The following TLL1 variants were observed in gnomAD, a reference collection of about 807,000 sequenced individuals.
TLL1 encodes the protein tolloid-like protein 1.
TLL1 carries 49 observed loss-of-function variants against 128.2 expected under a neutral mutation model. That is an observed-to-expected ratio of 0.38 (90% CI 0.30 to 0.48). TLL1 has a LOEUF of 0.48. Ranked by LOEUF, TLL1 falls within the 20% of genes least tolerant of loss-of-function variation. The pLI is 0.96. For synonymous variants in TLL1, 454 were observed against 418.8 expected (o/e 1.08, Z -1.03); for missense variants, 1,123 against 1,242.0 (o/e 0.90, Z 1.44).
intron 1 of TLL1, among the ~76,000 whole-genome samples, chr4:165,968,120 C>T (rs1735473863): frequency 1.3e-5 from 2 of 152,172 alleles, no homozygotes; most frequent in African/African-American, 4.8e-5. Context: ...AAGTTGTAAA[C>T]ATCAGAGAAA....
intron 2 of TLL1, among the ~76,000 whole-genome samples, chr4:165,989,827 T>G (rs1736555646): frequency 6.6e-6 from 1 of 151,886 alleles, no homozygotes; most frequent in South Asian, 2.1e-4. Context: ...TTTAGAAGGC[T>G]ATACAGCTTT....
At chr4:166,068,348 CT>C (rs1740666543) in intron 16 of TLL1, among the ~76,000 whole-genome samples, 1 of 151,764 alleles carries the variant, frequency 6.6e-6, no homozygotes, top group Admixed American at 6.6e-5. Context: ...AAAAGATTAT[CT>C]AATTTAATTG....
chr4:165,989,668 T>A (rs1736547864), intron 2 of TLL1, among the ~76,000 whole-genome samples, 177 bp downstream of exon 2: 1 of 151,396 alleles, frequency 6.6e-6, no homozygotes, highest in Non-Finnish European at 1.5e-5. Flanking sequence ...TATTAATTTT[T>A]TTTTTTTTTT....
rs114412546 is a variant in TLL1, at chr4:165,873,997, C to G, written c.93C>G (p.Leu31=). 9 of 1,614,062 alleles carry G rather than the reference C, an allele frequency of 5.6e-6. No homozygotes were observed. The highest frequency in any genetic ancestry group is 5.1e-6 in the Non-Finnish European group (6 of 1,180,018). ...GGGAGCTATGGGTCTGCGCTGGCCT[C>G]GATTATGATTACACTTTTGATGGGA... ...FYGELWVCAG[L]DYDYTFDGNE... is the part of the protein sequence containing the mutation. The change falls in exon 1 of 21, where the codon CTC becomes CTG. Residue 31 remains leucine (L), a synonymous_variant. Coordinates refer to ENST00000061240, the MANE Select transcript of TLL1 (RefSeq NM_012464.5).
intron 1 of TLL1, among the ~76,000 whole-genome samples, chr4:165,933,486 A>C (rs534334422): frequency 2.6e-5 from 4 of 152,268 alleles, no homozygotes; most frequent in Admixed American, 2.6e-4. Flanking sequence ...TCTGCAGTCC[A>C]TTCCATCCTG....
chr4:165,944,833 G>C (rs1257086809), intron 1 of TLL1, among the ~76,000 whole-genome samples: 1 of 152,080 alleles, frequency 6.6e-6, no homozygotes, highest in African/African-American at 2.4e-5. Context: ...AGGGGTAGTA[G>C]ATCAAAAGAT....
At chr4:166,037,770 T>C (rs1436144719) in intron 9 of TLL1, among the ~76,000 whole-genome samples, 1 of 151,994 alleles carries the variant, frequency 6.6e-6, no homozygotes, top group Admixed American at 6.6e-5. Context: ...ACTGCTCCAC[T>C]GCACTCCAGC....
chr4:165,941,925 A>G (rs936016598), intron 1 of TLL1, among the ~76,000 whole-genome samples: 1 of 152,028 alleles, frequency 6.6e-6, no homozygotes, highest in Admixed American at 6.6e-5. Context: ...CTTTTCTTCT[A>G]TTAGTAATAG....
intron 19 of TLL1, among the ~76,000 whole-genome samples, chr4:166,092,046 G>A (rs2322477): frequency 8.2e-4 from 2 of 2,442 alleles, no homozygotes; most frequent in African/African-American, 9.4e-4. Context: ...AGTTAAGACA[G>A]TATATCAGTT....
At chr4:166,046,847 C>T (rs56124601) in intron 12 of TLL1, among the ~76,000 whole-genome samples, 73,919 of 151,926 alleles carry the variant, frequency 0.49, 19,002 homozygotes, top group African/African-American at 0.66. Context: ...CAGTACTTGC[C>T]AGTTCAGTAT....
intron 19 of TLL1, among the ~76,000 whole-genome samples, chr4:166,092,955 A>G (rs753310013): frequency 5.3e-5 from 8 of 152,266 alleles, no homozygotes; most frequent in Admixed American, 2.0e-4. Context: ...GTAAAACTCC[A>G]TAACTCCCTA....
intron 1 of TLL1, among the ~76,000 whole-genome samples, chr4:165,968,707 A>G (rs780713472): frequency 3.3e-5 from 5 of 152,176 alleles, no homozygotes; most frequent in Non-Finnish European, 7.4e-5. Context: ...TCTTTTAAAG[A>G]AAACTATTTC....
chr4:165,953,533 A>G (rs1262203767), intron 1 of TLL1, among the ~76,000 whole-genome samples: 1 of 149,760 alleles, frequency 6.7e-6, no homozygotes, highest in Non-Finnish European at 1.5e-5. Flanking sequence ...ATTTGCAGAG[A>G]TGTTAACTGC....
intron 1 of TLL1, among the ~76,000 whole-genome samples, chr4:165,905,198 C>T (rs748289411): frequency 2.0e-5 from 3 of 152,202 alleles, no homozygotes; most frequent in Non-Finnish European, 2.9e-5. Flanking sequence ...CCAGCTATCC[C>T]ATTCGTATAC....
intron 16 of TLL1, among the ~76,000 whole-genome samples, chr4:166,070,221 A>G (rs562011431): frequency 2.6e-5 from 4 of 151,892 alleles, no homozygotes; most frequent in Non-Finnish European, 5.9e-5. Context: ...GGTATACATG[A>G]TGCAATTTAC....
chr4:165,907,872 T>C (rs1180455022), intron 1 of TLL1, among the ~76,000 whole-genome samples: 2 of 152,174 alleles, frequency 1.3e-5, no homozygotes, highest in Non-Finnish European at 2.9e-5. Context: ...TATAAACTTC[T>C]GATAAGCAGC....
At chr4:165,992,184 C>T (rs1161133519) in intron 2 of TLL1, among the ~76,000 whole-genome samples, 4 of 151,970 alleles carry the variant, frequency 2.6e-5, no homozygotes, top group Admixed American at 1.3e-4. Flanking sequence ...AATTACACAG[C>T]GTAACAGAAT....
intron 12 of TLL1, among the ~76,000 whole-genome samples, chr4:166,051,994 CTAAG>C (rs1237237738): frequency 1.3e-5 from 2 of 151,998 alleles, no homozygotes; most frequent in Non-Finnish European, 2.9e-5. Flanking sequence ...ACAATTTTTA[CTAAG>C]TAACCAGTGA....
intron 12 of TLL1, 139 bp downstream of exon 12, chr4:166,043,558 T>G: frequency 1.6e-6 from 2 of 1,289,470 alleles, no homozygotes; most frequent in South Asian, 1.2e-5. Context: ...GCTCATAAAA[T>G]GCAACATCAA....
Sources: allele counts gnomAD v4.1 joint callset (sites outside exome capture counted in the v4.1 genomes callset), GRCh38; gene constraint gnomAD v4.1.1; transcripts MANE v1.5; gene names NCBI Gene and HGNC (gene_info 2026-07-23, HGNC 2026-07-21).